LUZP2: variants seen among roughly 807,000 people sequenced by gnomAD.
LUZP2 encodes the protein leucine zipper protein 2.
Under a neutral mutation model 51.6 loss-of-function variants are expected in LUZP2, and 52 were observed. The ratio of observed to expected loss-of-function variants is 1.01; its 90% confidence interval spans 0.81 to 1.27. The LOEUF is 1.27. Among genes scored for constraint, LUZP2 ranks in the 50% most tolerant of loss-of-function variants. The pLI, the probability that LUZP2 is intolerant of heterozygous loss-of-function variation, is 0.00. For synonymous variants in LUZP2, 154 were observed against 137.3 expected, an observed-to-expected ratio of 1.12 and a Z score of -0.85; for missense variants, 436 against 395.4, an observed-to-expected ratio of 1.10 and a Z score of -0.87.
At chr11:25,022,709 AC>A (rs1857375156) in intron 9 of LUZP2, among the ~76,000 whole-genome samples, 1 of 152,064 alleles carries the variant, frequency 6.6e-6, no homozygotes, top group South Asian at 2.1e-4. Flanking sequence ...ATAGTACTGG[AC>A]AGAGGCTTAC....
intron 5 of LUZP2, among the ~76,000 whole-genome samples, chr11:24,851,462 C>T (rs557560391): frequency 5.2e-4 from 79 of 152,220 alleles, no homozygotes; most frequent in Middle Eastern, 3.4e-3. Flanking sequence ...CCGACTTGAT[C>T]GTAGTGGATA....
chr11:24,926,600 T>TAC (rs1268001099), intron 7 of LUZP2, among the ~76,000 whole-genome samples: 7 of 147,400 alleles, frequency 4.7e-5, no homozygotes, highest in Non-Finnish European at 1.0e-4. Context: ...TGTATATATA[T>TAC]GTGTGTATAT....
chr11:25,044,993 G>A (rs1858250538), intron 9 of LUZP2, among the ~76,000 whole-genome samples: 1 of 143,374 alleles, frequency 7.0e-6, no homozygotes, highest in Admixed American at 7.4e-5. Flanking sequence ...CTCACTCATA[G>A]GTGGGAATTG....
intron 1 of LUZP2, among the ~76,000 whole-genome samples, chr11:24,688,339 T>C (rs1428149310): frequency 1.3e-5 from 2 of 152,126 alleles, no homozygotes; most frequent in Non-Finnish European, 2.9e-5. Context: ...ACTATGTAGC[T>C]AGAGAATTGT....
In LUZP2 at chr11:24,940,049, C is replaced by T. The variant is rs559060030; in HGVS notation, c.522+25511C>T. Among the ~76,000 whole-genome samples the T allele has an allele frequency of 4.0e-5, 6 of 151,752 alleles. 1 individual carries two copies. In the South Asian group the frequency reaches 1.0e-3, roughly 26 times the overall value. On this transcript the variant is annotated intron_variant, in intron 7 of 11. Coordinates refer to ENST00000336930, the MANE Select transcript of LUZP2 (RefSeq NM_001009909.4). Reference sequence around the variant, plus strand: ...TTTTTTTTTCTTTTACTGGTTACCACCTTAAGTGTCTTTTGACTGTATGGT... The same window carrying T: ...TTTTTTTTTCTTTTACTGGTTACCATCTTAAGTGTCTTTTGACTGTATGGT...
At chr11:25,012,060 TAC>T (rs1387298516) in intron 9 of LUZP2, among the ~76,000 whole-genome samples, 1 of 152,128 alleles carries the variant, frequency 6.6e-6, no homozygotes, top group African/African-American at 2.4e-5. Context: ...GGAAAACACA[TAC>T]ACTTATTTTT....
At chr11:24,660,574 G>T (rs1855984508) in intron 1 of LUZP2, among the ~76,000 whole-genome samples, 1 of 152,116 alleles carries the variant, frequency 6.6e-6, no homozygotes, top group Non-Finnish European at 1.5e-5. Flanking sequence ...CTTGGGGAGA[G>T]TGTCTGGATT....
chr11:24,688,885 C>T (rs2133884737), intron 1 of LUZP2, among the ~76,000 whole-genome samples: 2 of 152,230 alleles, frequency 1.3e-5, no homozygotes, highest in Middle Eastern at 6.8e-3. Flanking sequence ...TCAAATCTAA[C>T]CCATCTCCCA....
chr11:24,676,348 G>T (rs1244916460), intron 1 of LUZP2, among the ~76,000 whole-genome samples: 1 of 151,942 alleles, frequency 6.6e-6, no homozygotes, highest in Non-Finnish European at 1.5e-5. Flanking sequence ...ATATATACAC[G>T]GTTAATTGAA....
intron 9 of LUZP2, among the ~76,000 whole-genome samples, chr11:24,983,515 A>T (rs1474758312): frequency 6.6e-6 from 1 of 151,814 alleles, no homozygotes; most frequent in Non-Finnish European, 1.5e-5. Context: ...GCTGATTCTT[A>T]GGCAGAATCA....
intron 1 of LUZP2, among the ~76,000 whole-genome samples, chr11:24,660,534 A>G (rs1855982825): frequency 1.3e-5 from 2 of 152,130 alleles, no homozygotes; most frequent in South Asian, 4.1e-4. Flanking sequence ...AACTGAATTC[A>G]CTGATATCTT....
chr11:24,667,331 G>A (rs1288288297), intron 1 of LUZP2, among the ~76,000 whole-genome samples: 1 of 151,764 alleles, frequency 6.6e-6, no homozygotes, highest in Non-Finnish European at 1.5e-5. Flanking sequence ...CTACAGACAT[G>A]TGCCACCATG....
At chr11:24,512,086 C>G (rs7927050) in intron 1 of LUZP2, among the ~76,000 whole-genome samples, 3,054 of 152,126 alleles carry the variant, frequency 0.02, 92 homozygotes, top group African/African-American at 0.068. Context: ...AGAGGGATGC[C>G]ATGATTATGA....
intron 5 of LUZP2, among the ~76,000 whole-genome samples, chr11:24,826,679 C>T (rs1274925770): frequency 6.6e-6 from 1 of 151,968 alleles, no homozygotes; most frequent in Non-Finnish European, 1.5e-5. Flanking sequence ...ACTTCCCTGC[C>T]CACAAATGGA....
chr11:24,511,384 G>A (rs1995839), intron 1 of LUZP2, among the ~76,000 whole-genome samples: 6,674 of 151,780 alleles, frequency 0.044, 398 homozygotes, highest in East Asian at 0.13. Flanking sequence ...GGTGTCTGTC[G>A]CTACAATTTT....
chr11:24,628,797 G>A (rs1854776037), intron 1 of LUZP2, among the ~76,000 whole-genome samples: 1 of 152,084 alleles, frequency 6.6e-6, no homozygotes. Context: ...GACCTCAAGT[G>A]ATCCGCTCAT....
intron 8 of LUZP2, among the ~76,000 whole-genome samples, chr11:24,979,413 A>C (rs1855965704): frequency 6.6e-6 from 1 of 151,838 alleles, no homozygotes; most frequent in South Asian, 2.1e-4. Flanking sequence ...AGTTTAATGA[A>C]ATAGATTTTC....
chr11:24,551,915 A>T (rs1332992687), intron 1 of LUZP2, among the ~76,000 whole-genome samples: 1 of 152,030 alleles, frequency 6.6e-6, no homozygotes, highest in Non-Finnish European at 1.5e-5. Flanking sequence ...CCCATTAAAC[A>T]TACACACATA....
chr11:24,892,195 G>A (rs1413618138), intron 5 of LUZP2: 1 of 985,364 alleles, frequency 1.0e-6, no homozygotes, highest in Non-Finnish European at 1.2e-6. Flanking sequence ...TTCTGTGGTT[G>A]TGATCTGTGA....
Sources: gnomAD v4.1 joint callset for allele counts (sites outside exome capture counted in the v4.1 genomes callset) on GRCh38, gnomAD v4.1.1 for gene constraint, MANE v1.5 for transcripts, NCBI Gene and HGNC (gene_info 2026-07-23, HGNC 2026-07-21) for gene names.